AGBL4: variants seen among roughly 807,000 people sequenced by gnomAD.
AGBL4 encodes cytosolic carboxypeptidase 6.
Under a neutral mutation model 66.4 loss-of-function variants are expected in AGBL4, and 58 were observed. The observed-to-expected ratio is 0.87, with a 90% CI of 0.71 to 1.09. The LOEUF is 1.09. AGBL4 is among the 50% of genes least tolerant of loss of function. AGBL4 has a pLI of 0.00. For synonymous variants in AGBL4, 234 were observed against 222.9 expected (o/e 1.05, Z -0.44); for missense variants, 579 against 631.0 (o/e 0.92, Z 0.88).
chr1:48,958,032 T>A (rs1657635374), intron 5 of AGBL4, among the ~76,000 whole-genome samples: 1 of 151,748 alleles, frequency 6.6e-6, no homozygotes, highest in Non-Finnish European at 1.5e-5. Flanking sequence ...GTTTTTTGTA[T>A]TTTTTTTAGT....
chr1:48,972,564 C>T (rs915922417), intron 5 of AGBL4, among the ~76,000 whole-genome samples: 1 of 151,994 alleles, frequency 6.6e-6, no homozygotes, highest in Non-Finnish European at 1.5e-5. Flanking sequence ...AAATAATTTG[C>T]CTGAGGTAGG....
chr1:49,242,894 T>G (rs534103247), intron 4 of AGBL4, among the ~76,000 whole-genome samples: 2 of 151,850 alleles, frequency 1.3e-5, no homozygotes, highest in African/African-American at 4.8e-5. Flanking sequence ...TTTCTATAAC[T>G]AATTAACTAC....
At chr1:49,557,897 C>G (rs1643942525) in intron 3 of AGBL4, among the ~76,000 whole-genome samples, 1 of 151,536 alleles carries the variant, frequency 6.6e-6, no homozygotes, top group Admixed American at 6.6e-5. Context: ...GAGAAGAAAA[C>G]ATGGAAGAGT....
In AGBL4 at chr1:49,601,950, C is replaced by T. The variant is rs144391571; in HGVS notation, c.282+95363G>A. On this transcript the variant is annotated intron_variant, in intron 3 of 13. Transcript: ENST00000371839. ...ATGGAAGAAAAATCTTGCAATCTAT[C>T]CATCTGACAAAGGGCTAATATCCAG... Among the ~76,000 whole-genome samples, 517 of 152,170 alleles carry T rather than the reference C, an allele frequency of 3.4e-3. 3 individuals carry two copies. The highest frequency in any genetic ancestry group is 0.012 in the African/African-American group (488 of 41,514).
At chr1:49,283,211 C>A (rs917425137) in intron 3 of AGBL4, among the ~76,000 whole-genome samples, 1 of 152,184 alleles carries the variant, frequency 6.6e-6, no homozygotes, top group Non-Finnish European at 1.5e-5. Context: ...GGGTCCCTGA[C>A]CCCTGACCCC....
At chr1:48,557,949 C>T (rs1644345264) in intron 11 of AGBL4, among the ~76,000 whole-genome samples, 1 of 152,188 alleles carries the variant, frequency 6.6e-6, no homozygotes, top group Non-Finnish European at 1.5e-5. Flanking sequence ...ACTACCTCTT[C>T]TCCATCCTTG....
At chr1:48,785,577 G>A (rs757529346) in intron 6 of AGBL4, among the ~76,000 whole-genome samples, 3 of 152,104 alleles carry the variant, frequency 2.0e-5, no homozygotes, top group Non-Finnish European at 2.9e-5. Flanking sequence ...TTCCAAATAC[G>A]AGGAGAGAAC....
chr1:49,561,043 A>G (rs1187961888), intron 3 of AGBL4, among the ~76,000 whole-genome samples: 1 of 152,124 alleles, frequency 6.6e-6, no homozygotes, highest in Admixed American at 6.6e-5. Context: ...TAGTAAGGAC[A>G]TGGAAAACAC....
At chr1:49,186,563 T>A (rs954101091) in intron 4 of AGBL4, among the ~76,000 whole-genome samples, 1 of 152,104 alleles carries the variant, frequency 6.6e-6, no homozygotes, top group Admixed American at 6.6e-5. Flanking sequence ...GCCTGACACA[T>A]TGCGGGTTCA....
intron 5 of AGBL4, among the ~76,000 whole-genome samples, chr1:48,992,809 C>T (rs1446833397): frequency 6.6e-6 from 1 of 152,026 alleles, no homozygotes; most frequent in African/African-American, 2.4e-5. Context: ...TTATGTTCAC[C>T]CCAAACCCAA....
intron 4 of AGBL4, among the ~76,000 whole-genome samples, chr1:49,066,589 C>T (rs888768343): frequency 2.6e-5 from 4 of 152,146 alleles, no homozygotes; most frequent in Non-Finnish European, 1.5e-5. Context: ...TCAAGGCCTC[C>T]AACTTGGCTG....
chr1:48,765,236 C>A (rs1644473281), intron 6 of AGBL4, among the ~76,000 whole-genome samples: 2 of 152,128 alleles, frequency 1.3e-5, no homozygotes, highest in African/African-American at 4.8e-5. Flanking sequence ...TAGAACTATC[C>A]ATACAATAGA....
chr1:49,239,991 CTT>C (rs1031580106), intron 4 of AGBL4, among the ~76,000 whole-genome samples: 5 of 151,762 alleles, frequency 3.3e-5, no homozygotes, highest in African/African-American at 4.8e-5. Flanking sequence ...TTAAGTATGA[CTT>C]TGTTTTACAA....
At chr1:49,364,331 G>A (rs1367946041) in intron 3 of AGBL4, among the ~76,000 whole-genome samples, 1 of 152,120 alleles carries the variant, frequency 6.6e-6, no homozygotes, top group Non-Finnish European at 1.5e-5. Flanking sequence ...GACTACATTG[G>A]AAATATTGGA....
chr1:49,184,787 A>G (rs1035024003), intron 4 of AGBL4, among the ~76,000 whole-genome samples: 1 of 152,208 alleles, frequency 6.6e-6, no homozygotes, highest in Non-Finnish European at 1.5e-5. Context: ...GGCTCTGCCA[A>G]TTTTGGCTTG....
At position 49,141,875 on chromosome 1, in the gene AGBL4, C is replaced by G. The variant is rs572415296; in HGVS notation, c.378-96075G>C. ...TAGAACACTACAAAGACTAAATTTT[C>G]TGCTGGCTTTATAAAGTCAGAAAAG... On this transcript the variant is annotated intron_variant, in intron 4 of 13. Coordinates refer to ENST00000371839, the MANE Select transcript of AGBL4 (RefSeq NM_032785.4). Among the ~76,000 whole-genome samples, 4 of 152,276 alleles carry G rather than the reference C, an allele frequency of 2.6e-5. No homozygotes were observed. The South Asian group carries it at 8.3e-4, about 32-fold the overall frequency.
chr1:48,833,009 T>A (rs915960673), intron 6 of AGBL4, among the ~76,000 whole-genome samples: 1 of 152,196 alleles, frequency 6.6e-6, no homozygotes, highest in African/African-American at 2.4e-5. Flanking sequence ...TTGCAGATGA[T>A]GAGACCTCTC....
rs187077384 is a variant in AGBL4 at position 48,600,532 on chromosome 1, T to C, written c.952-9547A>G. ...ATCCATGCACTTAAACATGACACCATAAAAGCTGTTGATATTTATGCAGTA... is the reference window on the plus strand; with the variant it reads ...ATCCATGCACTTAAACATGACACCACAAAAGCTGTTGATATTTATGCAGTA... On this transcript the variant is annotated intron_variant, in intron 9 of 13. Coordinates refer to ENST00000371839, the MANE Select transcript of AGBL4 (RefSeq NM_032785.4). Among the ~76,000 whole-genome samples the C allele has an allele frequency of 4.9e-4, 74 of 152,298 alleles. 1 individual carries two copies. Among genetic ancestry groups the C allele is most frequent in the Non-Finnish European group, 1.5e-4 (10 of 68,022 alleles).
At chr1:49,835,073 C>T (rs926904367) in intron 2 of AGBL4, among the ~76,000 whole-genome samples, 2 of 151,978 alleles carry the variant, frequency 1.3e-5, no homozygotes, top group African/African-American at 2.4e-5. Flanking sequence ...AGAGTTCTGT[C>T]GATGTCTATT....
Sources: gnomAD v4.1 joint callset for allele counts (sites outside exome capture counted in the v4.1 genomes callset) on GRCh38, gnomAD v4.1.1 for gene constraint, MANE v1.5 for transcripts, NCBI Gene and HGNC (gene_info 2026-07-23, HGNC 2026-07-21) for gene names.